Variants in PDE3A observed in about 807,000 individuals in gnomAD.
PDE3A encodes phosphodiesterase 3A, also known as cGMP-inhibited 3',5'-cyclic phosphodiesterase 3A.
A neutral mutation model predicts 98.3 loss-of-function variants in PDE3A; 43 were observed. The observed-to-expected ratio is 0.44, with a 90% CI of 0.34 to 0.56. PDE3A has a LOEUF of 0.56. Among genes scored for constraint, PDE3A ranks in the 20% least tolerant of loss-of-function variants. The pLI, the probability that PDE3A is intolerant of heterozygous loss-of-function variation, is 0.01. For missense variants in PDE3A, 1,427 were observed against 1,440.7 expected, an observed-to-expected ratio of 0.99 and a Z score of 0.15; for synonymous variants, 663 against 567.9, an observed-to-expected ratio of 1.17 and a Z score of -2.38.
intron 1 of PDE3A, among the ~76,000 whole-genome samples, chr12:20,517,781 G>T (rs993965224): frequency 1.3e-5 from 2 of 152,134 alleles, no homozygotes; most frequent in African/African-American, 4.8e-5. Flanking sequence ...TCTTATCCCT[G>T]CCACTTTGAC....
chr12:20,396,057 G>A (rs1478235950), intron 1 of PDE3A, among the ~76,000 whole-genome samples: 1 of 151,752 alleles, frequency 6.6e-6, no homozygotes, highest in African/African-American at 2.4e-5. Flanking sequence ...CACTGCACTT[G>A]GCCTATTCTT....
intron 2 of PDE3A, among the ~76,000 whole-genome samples, chr12:20,579,375 G>C (rs914895943): frequency 7.1e-6 from 1 of 139,888 alleles, no homozygotes; most frequent in African/African-American, 2.6e-5. Context: ...TGCCTTTTCC[G>C]TGTTCTTGGA....
At position 20,552,329 on chromosome 12, in the gene PDE3A, A is replaced by T. The variant is rs1019777450; in HGVS notation, c.961-4331A>T. Reference sequence around the variant, plus strand: ...TACAAGGTTGTGAAATACTGGCCCGAGAAGGGGAAGTCCGGGTTTCTCGTG... The same window carrying T: ...TACAAGGTTGTGAAATACTGGCCCGTGAAGGGGAAGTCCGGGTTTCTCGTG... On this transcript the variant is annotated intron_variant, in intron 1 of 15. Coordinates refer to ENST00000359062, the MANE Select transcript of PDE3A (RefSeq NM_000921.5). The surrounding 1 kb of genome is among the most constrained non-coding windows in gnomAD (Gnocchi z 5.1). The T allele has an allele frequency of 6.8e-6, 11 of 1,613,784 alleles. No homozygotes were observed. The highest frequency in any genetic ancestry group is 1.6e-4 in the Middle Eastern group (1 of 6,062).
intron 15 of PDE3A, among the ~76,000 whole-genome samples, chr12:20,679,401 C>T (rs966982012): frequency 6.6e-6 from 1 of 152,072 alleles, no homozygotes; most frequent in African/African-American, 2.4e-5. Flanking sequence ...GCGCCTGCCA[C>T]CACGCCTGGT....
chr12:20,633,202 T>C (rs184362593), intron 6 of PDE3A, among the ~76,000 whole-genome samples: 7 of 152,248 alleles, frequency 4.6e-5, no homozygotes, highest in Non-Finnish European at 5.9e-5. Flanking sequence ...CCACCTGCCT[T>C]GGCCTCGAAA....
In PDE3A at chr12:20,646,842, G is replaced by T. The variant is rs765412924; in HGVS notation, c.2457G>T (p.Gly819=). ...ATGATAAATACGGATGTCTGTCTGG[G>T]AATATCCCTGCCTTGGAGTTGATGG... ...VTDDKYGCLS[G]NIPALELMAL... Residue 819 remains glycine, a synonymous_variant, in exon 12 of 16, where the codon GGG becomes GGT. Coordinates refer to ENST00000359062, the MANE Select transcript of PDE3A (RefSeq NM_000921.5). The T allele has an allele frequency of 1.6e-5, 26 of 1,612,658 alleles. No individual in the cohort carries two copies. The African/African-American group carries it at 3.2e-4, about 20-fold the overall frequency.
chr12:20,471,230 C>T (rs1390380776), intron 1 of PDE3A, among the ~76,000 whole-genome samples: 1 of 152,144 alleles, frequency 6.6e-6, no homozygotes, highest in Non-Finnish European at 1.5e-5. Context: ...TTGTAACGTA[C>T]TCTTAGGGTA....
intron 1 of PDE3A, 145 bp downstream of exon 1, chr12:20,370,389 GTTTTTTTTTTGTTTTTTTTGT>G (rs1555138818): frequency 7.1e-6 from 3 of 424,948 alleles, no homozygotes; most frequent in Non-Finnish European, 1.1e-5. Context: ...AAACTAGCAG[GTTTTTTTTTTGTTTTTTTTGT>G]TTTTTTTTTT....
chr12:20,400,939 T>C (rs1254996534), intron 1 of PDE3A, among the ~76,000 whole-genome samples: 3 of 152,184 alleles, frequency 2.0e-5, no homozygotes, highest in Admixed American at 1.3e-4. Flanking sequence ...TTATTATTTA[T>C]TTTTAAGGCA....
In PDE3A at chr12:20,650,545, G is replaced by C. The variant is rs1228068945; in HGVS notation, c.2870G>C (p.Cys957Ser). ...GCTGATATCAATGGTCCAGCTAAAT[G>C]TAAAGAACTCCATCTTCAGTGGACA... The part of the protein sequence containing the change: ...KLADINGPAK[C>S]KELHLQWTDG... The change falls in exon 14 of 16, where the codon TGT becomes TCT. Residue 957 changes from cysteine to serine, a missense_variant. By Grantham distance (112) the Cys-to-Ser change is moderately radical (BLOSUM62 -1). Coordinates refer to ENST00000359062, the MANE Select transcript of PDE3A (RefSeq NM_000921.5). The C allele has an allele frequency of 2.5e-6, 4 of 1,612,024 alleles. No homozygotes were observed. The East Asian group carries it at 6.7e-5, about 27-fold the overall frequency.
chr12:20,533,745 C>T (rs1425444490), intron 1 of PDE3A, among the ~76,000 whole-genome samples: 1 of 151,890 alleles, frequency 6.6e-6, no homozygotes, highest in Non-Finnish European at 1.5e-5. Context: ...TTTGGACTCC[C>T]AAAGTGCTGG....
At chr12:20,408,478 T>G (rs1000312060) in intron 1 of PDE3A, among the ~76,000 whole-genome samples, 19 of 152,190 alleles carry the variant, frequency 1.2e-4, no homozygotes, top group African/African-American at 4.6e-4. Context: ...CCCTTCATTA[T>G]TAAGGACAGC....
chr12:20,564,359 T>C (rs560742310), intron 2 of PDE3A, among the ~76,000 whole-genome samples: 1 of 152,260 alleles, frequency 6.6e-6, no homozygotes, highest in South Asian at 2.1e-4. Context: ...GTGATTAATC[T>C]TGACACTTTA....
At position 20,649,147 on chromosome 12, in the gene PDE3A, G is replaced by A. The variant is rs568696400; in HGVS notation, c.2769+256G>A. On this transcript the variant is annotated intron_variant, in intron 13 of 15. Coordinates refer to ENST00000359062, the MANE Select transcript of PDE3A (RefSeq NM_000921.5). ...GGGGTTTCACCATGTTGGCCAGGCT[G>A]CTCTCAAACTCCTGACCTCATGATC... Among the ~76,000 whole-genome samples the A allele has an allele frequency of 4.7e-3, 707 of 151,750 alleles. 6 individuals carry two copies. The highest frequency in any genetic ancestry group is 0.014 in the Middle Eastern group (4 of 294).
At chr12:20,478,360 C>T (rs936333655) in intron 1 of PDE3A, among the ~76,000 whole-genome samples, 1 of 152,094 alleles carries the variant, frequency 6.6e-6, no homozygotes, top group Non-Finnish European at 1.5e-5. Context: ...ACCTAGGCAG[C>T]CATTTACATT....
At chr12:20,485,746 A>G (rs1005753095) in intron 1 of PDE3A, among the ~76,000 whole-genome samples, 3 of 152,138 alleles carry the variant, frequency 2.0e-5, no homozygotes, top group African/African-American at 7.2e-5. Context: ...GTATTTACTT[A>G]TATACTTAAT....
intron 10 of PDE3A, among the ~76,000 whole-genome samples, chr12:20,640,533 A>C (rs1216092645): frequency 6.6e-6 from 1 of 152,066 alleles, no homozygotes; most frequent in Non-Finnish European, 1.5e-5. Context: ...GGTTATGGAA[A>C]AATGATAAGA....
chr12:20,489,887 G>C (rs7488709), intron 1 of PDE3A, among the ~76,000 whole-genome samples: 135,302 of 152,168 alleles, frequency 0.89, 61,454 homozygotes, highest in East Asian at 1. Context: ...CTGTGGAGGT[G>C]TTGACGTCAT....
intron 1 of PDE3A, among the ~76,000 whole-genome samples, chr12:20,394,863 G>A (rs1247941424): frequency 1.3e-5 from 2 of 151,986 alleles, no homozygotes; most frequent in African/African-American, 4.8e-5. Context: ...GTAAAGTTCA[G>A]GAGTGTTGGT....
Sources: allele counts gnomAD v4.1 joint callset (sites outside exome capture counted in the v4.1 genomes callset), GRCh38; gene constraint gnomAD v4.1.1; non-coding constraint Gnocchi (gnomAD v3.1); transcripts MANE v1.5; gene names NCBI Gene and HGNC (gene_info 2026-07-23, HGNC 2026-07-21).